The following LATS1 variants were observed in gnomAD, a reference collection of about 807,000 sequenced individuals.
The protein encoded by LATS1 is serine/threonine-protein kinase LATS1.
In LATS1, 25 loss-of-function variants were observed where a neutral mutation model predicts 106.6. The observed-to-expected ratio is 0.23, with a 90% CI of 0.17 to 0.33. The LOEUF is 0.33. Ranked by LOEUF, LATS1 falls within the 10% of genes least tolerant of loss-of-function variation. The probability of loss-of-function intolerance (pLI) is 1.00; values close to 1 mark genes in which losing one functional copy is unlikely to be tolerated. For missense variants in LATS1, 1,040 were observed against 1,382.6 expected, an observed-to-expected ratio of 0.75 and a Z score of 3.93; for synonymous variants, 465 against 455.6, an observed-to-expected ratio of 1.02 and a Z score of -0.26.
At chr6:149,706,314 G>A (rs1783771049) in intron 1 of LATS1, among the ~76,000 whole-genome samples, 1 of 151,078 alleles carries the variant, frequency 6.6e-6, no homozygotes, top group Non-Finnish European at 1.5e-5. Flanking sequence ...ACCAGCCTGG[G>A]TGGGCAACAT....
At chr6:149,689,806 T>A (rs1782620363) in intron 3 of LATS1, among the ~76,000 whole-genome samples, 1 of 152,218 alleles carries the variant, frequency 6.6e-6, no homozygotes, top group South Asian at 2.1e-4. Flanking sequence ...GAAAAATGAC[T>A]GTTCCTCTAT....
intron 5 of LATS1, among the ~76,000 whole-genome samples, chr6:149,678,058 G>A (rs1339676729): frequency 7.2e-6 from 1 of 138,742 alleles, no homozygotes; most frequent in Admixed American, 7.8e-5. Context: ...GGTCGCTCAC[G>A]CCTGTAATCC....
chr6:149,690,863 T>G (rs1782705483), intron 3 of LATS1, among the ~76,000 whole-genome samples: 1 of 152,220 alleles, frequency 6.6e-6, no homozygotes, highest in Non-Finnish European at 1.5e-5. Context: ...TTCTAATAAT[T>G]TATTGTATGT....
chr6:149,700,233 T>C (rs1408322953), intron 2 of LATS1, among the ~76,000 whole-genome samples: 2 of 152,242 alleles, frequency 1.3e-5, no homozygotes, highest in African/African-American at 2.4e-5. Flanking sequence ...CCCAGCACTT[T>C]GGGAGGCCAA....
chr6:149,676,838 T>C, intron 5 of LATS1, 101 bp from the exon 6 acceptor site: 1 of 1,036,026 alleles, frequency 9.7e-7, no homozygotes, highest in Non-Finnish European at 1.4e-6. Flanking sequence ...AACAACATTC[T>C]CCCTTGTGAC....
In LATS1 at chr6:149,683,255, T is replaced by C; in HGVS notation, c.1834A>G (p.Thr612Ala). 6.2e-7 allele frequency: 1 copy of C among 1,614,066 alleles called. No homozygotes were observed. ...TTTTTCCTAACAGTAATAGGTGAAG[T>C]TGTAATCTGTTTCTTTTCTTTATCC... ...SGDKEKKQIT[T>A]SPITVRKNKK... The change falls in exon 4 of 8, where the codon ACT becomes GCT. Residue 612 changes from threonine (T) to alanine (A), a missense_variant. Around this residue, in one of 7 missense-constraint regions of LATS1, gnomAD observed 167 missense variants for 332.1 expected, o/e 0.50. Coordinates refer to ENST00000543571, the MANE Select transcript of LATS1 (RefSeq NM_004690.4).
At chr6:149,693,060 C>T (rs1782861919) in intron 3 of LATS1, among the ~76,000 whole-genome samples, 3 of 151,520 alleles carry the variant, frequency 2.0e-5, no homozygotes, top group Admixed American at 6.6e-5. Flanking sequence ...GTCAGGAGTT[C>T]GAGACCAGCC....
intron 2 of LATS1, among the ~76,000 whole-genome samples, chr6:149,698,992 C>T (rs951343898): frequency 1.3e-5 from 2 of 151,686 alleles, no homozygotes; most frequent in African/African-American, 4.8e-5. Flanking sequence ...ACATTTATTC[C>T]TATGAGAAAA....
At chr6:149,690,219 T>C (rs1265092805) in intron 3 of LATS1, among the ~76,000 whole-genome samples, 2 of 149,392 alleles carry the variant, frequency 1.3e-5, no homozygotes, top group Non-Finnish European at 3.0e-5. Context: ...TTTTCTTTTT[T>C]TTTTTTTTTT....
In LATS1 at chr6:149,679,955, C is replaced by T. The variant is rs753995655; in HGVS notation, c.2513G>A (p.Arg838His). The change falls in exon 5 of 8, where the codon CGT becomes CAT. Residue 838 changes from arginine (R) to histidine (H), a missense_variant. Transcript: ENST00000543571. The stretch of plus-strand genomic sequence containing the variant: ...GTCAGTCAATTTAATATGACCATCA[C>T]GATCAATCAAAATATTATCAGGTTT... The part of the protein sequence containing the change: ...DIKPDNILID[R>H]DGHIKLTDFG... 3 of 1,613,988 alleles carry T rather than the reference C, an allele frequency of 1.9e-6. No homozygotes were observed. The highest frequency in any genetic ancestry group is 4.5e-5 in the East Asian group (2 of 44,864).
intron 3 of LATS1, among the ~76,000 whole-genome samples, chr6:149,685,674 C>G (rs1409410496): frequency 6.6e-6 from 1 of 152,170 alleles, no homozygotes; most frequent in Non-Finnish European, 1.5e-5. Flanking sequence ...GTGTGAGCCA[C>G]TGCACCTGGC....
At chr6:149,712,045 C>G (rs1039634583) in intron 1 of LATS1, among the ~76,000 whole-genome samples, 1 of 152,064 alleles carries the variant, frequency 6.6e-6, no homozygotes, top group African/African-American at 2.4e-5. Context: ...CCAAGAGGAA[C>G]CATATCTGGA....
At position 149,661,679 on chromosome 6, in the gene LATS1, C is replaced by T. The variant is rs759474058; in HGVS notation, c.*50G>A. 1.2e-5 allele frequency: 18 copies of T among 1,476,886 alleles called. No homozygotes were observed. The East Asian group carries it at 1.4e-4, about 11-fold the overall frequency. The allele number at this position is 1,476,886 out of a possible 1,614,324, so 91.5% of individuals were successfully genotyped here. On this transcript the variant is annotated 3_prime_UTR_variant, in exon 8 of 8. Transcript: ENST00000543571. Reference sequence around the variant, plus strand: ...TTACTCTCAGAACCTCAAAACACCTCGCATTTCAGGCCCTTTTACAAATCC... The same window carrying T: ...TTACTCTCAGAACCTCAAAACACCTTGCATTTCAGGCCCTTTTACAAATCC...
At chr6:149,701,059 A>T (rs1783431049) in intron 2 of LATS1, among the ~76,000 whole-genome samples, 1 of 152,240 alleles carries the variant, frequency 6.6e-6, no homozygotes, top group South Asian at 2.1e-4. Context: ...CTGGGATTAC[A>T]GGCGTGAGCC....
chr6:149,678,822 T>C (rs1030147243), intron 5 of LATS1, among the ~76,000 whole-genome samples: 1 of 152,142 alleles, frequency 6.6e-6, no homozygotes, highest in Non-Finnish European at 1.5e-5. Flanking sequence ...AGTTACTTCA[T>C]CTAACTAGGT....
intron 4 of LATS1, among the ~76,000 whole-genome samples, chr6:149,680,743 GAAA>G (rs5880846): frequency 9.1e-6 from 1 of 110,322 alleles, no homozygotes; most frequent in African/African-American, 3.3e-5. Context: ...AATGCACTCC[GAAA>G]AAAAAAAAAA....
At chr6:149,689,038 C>T (rs921919005) in intron 3 of LATS1, among the ~76,000 whole-genome samples, 2 of 152,090 alleles carry the variant, frequency 1.3e-5, no homozygotes, top group Non-Finnish European at 2.9e-5. Context: ...TATGGTGGCA[C>T]ATGCCTGTAA....
intron 7 of LATS1, among the ~76,000 whole-genome samples, chr6:149,673,042 C>T (rs1336406708): frequency 6.6e-6 from 1 of 150,652 alleles, no homozygotes; most frequent in Non-Finnish European, 1.5e-5. Context: ...AAAATTATAT[C>T]ATTTTTGAAT....
chr6:149,666,808 G>C (rs1205414392), intron 7 of LATS1, among the ~76,000 whole-genome samples: 2 of 151,856 alleles, frequency 1.3e-5, no homozygotes, highest in Non-Finnish European at 1.5e-5. Context: ...CGGGCGTGGT[G>C]GTGGGCGCCT....
Sources: gnomAD v4.1 joint callset for allele counts (sites outside exome capture counted in the v4.1 genomes callset) on GRCh38, gnomAD v4.1.1 for gene constraint, gnomAD v4.1.1 regional missense constraint, MANE v1.5 for transcripts, NCBI Gene and HGNC (gene_info 2026-07-23, HGNC 2026-07-21) for gene names.